The following ATRNL1 variants were observed in gnomAD, a reference collection of about 807,000 sequenced individuals.
ATRNL1 encodes the protein attractin-like protein 1.
In ATRNL1, 95 loss-of-function variants were observed where a neutral mutation model predicts 182.7. That is an observed-to-expected ratio of 0.52 (90% CI 0.44 to 0.62). The LOEUF is 0.62. ATRNL1 is among the 20% of genes least tolerant of loss of function. ATRNL1 has a pLI of 0.00. For synonymous variants in ATRNL1, 576 were observed against 568.3 expected (o/e 1.01, Z -0.19); for missense variants, 1,471 against 1,679.5 (o/e 0.88, Z 2.17).
intron 21 of ATRNL1, among the ~76,000 whole-genome samples, chr10:115,432,039 G>T (rs2134416367): frequency 6.6e-6 from 1 of 152,072 alleles, no homozygotes; most frequent in East Asian, 1.9e-4. Context: ...TATGATGTGA[G>T]CCTCATATGT....
At chr10:115,476,318 T>C (rs1554973105) in intron 24 of ATRNL1, among the ~76,000 whole-genome samples, 2 of 151,370 alleles carry the variant, frequency 1.3e-5, no homozygotes. Flanking sequence ...GGCTTGTTTT[T>C]GGCATATTTT....
At chr10:115,767,144 C>T (rs2134158527) in intron 27 of ATRNL1, among the ~76,000 whole-genome samples, 1 of 152,284 alleles carries the variant, frequency 6.6e-6, no homozygotes, top group South Asian at 2.1e-4. Flanking sequence ...GCGATCACCT[C>T]AAACTGTTCT....
chr10:115,261,456 G>T (rs1387770335), intron 10 of ATRNL1, among the ~76,000 whole-genome samples: 1 of 152,110 alleles, frequency 6.6e-6, no homozygotes, highest in Admixed American at 6.5e-5. Context: ...CTAGAGAGCA[G>T]TAAGTTCAGA....
In ATRNL1 at chr10:115,628,206, C is replaced by T. The variant is rs369646017; in HGVS notation, c.3795+78670C>T. Among the ~76,000 whole-genome samples the T allele has an allele frequency of 6.6e-5, 10 of 151,842 alleles. No homozygotes were observed. The East Asian group carries it at 1.7e-3, about 26-fold the overall frequency. ...AACCATTTTATAGTATTTCCACCAG[C>T]GATGTATGCGAGTTTCAGTTTCTTC... is the stretch of plus-strand genomic sequence containing the variant. On this transcript the variant is annotated intron_variant, in intron 26 of 28. Coordinates refer to ENST00000355044, the MANE Select transcript of ATRNL1 (RefSeq NM_207303.4).
chr10:115,824,586 A>G (rs1351395268), intron 27 of ATRNL1, among the ~76,000 whole-genome samples: 3 of 152,128 alleles, frequency 2.0e-5, no homozygotes, highest in Non-Finnish European at 4.4e-5. Context: ...AGAAAAAAAA[A>G]CCCCATCAAA....
Position 115,241,596 on chromosome 10 carries a change from G to A in ATRNL1, c.1558G>A (p.Ala520Thr), listed in dbSNP as rs548599198. 4 of 1,607,358 alleles carry A rather than the reference G, an allele frequency of 2.5e-6. No individual in the cohort carries two copies. The South Asian group carries it at 4.4e-5, about 18-fold the overall frequency. ...GACTATTTTGAAAGAAAGTGGGTTT[G>A]CCAGATACCTTCATTCAGCTGTTCT... Reference protein sequence around the residue: ...TWTILKESGFARYLHSAVLIN... With the variant: ...TWTILKESGFTRYLHSAVLIN... Residue 520 changes from alanine (A) to threonine (T), a missense_variant, in exon 10 of 29, where the codon GCC (alanine) becomes ACC (threonine). Coordinates refer to ENST00000355044, the MANE Select transcript of ATRNL1 (RefSeq NM_207303.4).
At chr10:115,820,205 A>G (rs1555089812) in intron 27 of ATRNL1, 1 of 152,170 alleles carries the variant, frequency 6.6e-6, no homozygotes, top group African/African-American at 2.4e-5. Flanking sequence ...TTATTGGAAC[A>G]TGATATTCAT....
intron 5 of ATRNL1, among the ~76,000 whole-genome samples, chr10:115,144,539 C>A (rs782105753): frequency 1.2e-4 from 18 of 152,098 alleles, no homozygotes; most frequent in Non-Finnish European, 2.4e-4. Flanking sequence ...GTGGTCTGCC[C>A]GCCTTAGCCG....
intron 8 of ATRNL1, among the ~76,000 whole-genome samples, chr10:115,211,556 T>C (rs537777669): frequency 6.6e-6 from 1 of 152,114 alleles, no homozygotes; most frequent in Non-Finnish European, 1.5e-5. Flanking sequence ...TTTACTTAGT[T>C]TCTTGAATCT....
Position 115,487,310 on chromosome 10 carries a change from G to A in ATRNL1, c.3654+17981G>A, listed in dbSNP as rs183630760. The stretch of plus-strand genomic sequence containing the variant: ...ATGGTAGATTGATGGGGATAGCATT[G>A]ACTCTATAAATTACTTTGAGCAGTA... On this transcript the variant is annotated intron_variant, in intron 24 of 28. Transcript: ENST00000355044. Among the ~76,000 whole-genome samples the A allele has an allele frequency of 1.6e-3, 247 of 152,132 alleles. 1 individual carries two copies. Among genetic ancestry groups the A allele is most frequent in the South Asian group, 7.9e-3 (38 of 4,816 alleles).
intron 8 of ATRNL1, chr10:115,171,496 G>A: frequency 2.4e-6 from 1 of 415,400 alleles, no homozygotes; most frequent in South Asian, 7.7e-5. Flanking sequence ...ACCAAATGAG[G>A]GGAAATATTA....
chr10:115,313,335 T>G (rs115141237), intron 17 of ATRNL1, among the ~76,000 whole-genome samples: 1,955 of 152,190 alleles, frequency 0.013, 38 homozygotes, highest in African/African-American at 0.044. Flanking sequence ...GAATGTGACT[T>G]TAATGTTTGT....
At chr10:115,500,420 A>G (rs1449110459) in intron 24 of ATRNL1, among the ~76,000 whole-genome samples, 3 of 152,046 alleles carry the variant, frequency 2.0e-5, no homozygotes, top group Non-Finnish European at 2.9e-5. Flanking sequence ...AGAATCTAAC[A>G]TCAGGTGTCC....
rs939015259 is a variant in ATRNL1, at chr10:115,944,948, T to G, written c.*169T>G. 67 of 712,230 alleles carry G rather than the reference T, an allele frequency of 9.4e-5. 1 individual carries two copies. Among genetic ancestry groups the G allele is most frequent in the Non-Finnish European group, 1.2e-4 (59 of 491,332 alleles). 44.1% of individuals were successfully genotyped at this position (712,230 alleles called of 1,614,324 possible). A position where few individuals can be genotyped will look rare whatever the true frequency, so the allele number is the denominator to read the frequency against. ...CAGGTGGCCAAAGAATGTTCATGAG[T>G]TTTATAAAAGTATTGATGGTCACAG... On this transcript the variant is annotated 3_prime_UTR_variant, in exon 29 of 29. Coordinates refer to ENST00000355044, the MANE Select transcript of ATRNL1 (RefSeq NM_207303.4).
chr10:115,767,373 T>C (rs782584209), intron 27 of ATRNL1, among the ~76,000 whole-genome samples: 1 of 152,132 alleles, frequency 6.6e-6, no homozygotes, highest in South Asian at 2.1e-4. Context: ...TTTTCTAGTC[T>C]TGAGGGTGGG....
intron 5 of ATRNL1, among the ~76,000 whole-genome samples, chr10:115,154,439 G>C (rs1376256551): frequency 1.3e-5 from 2 of 152,050 alleles, no homozygotes; most frequent in East Asian, 1.9e-4. Flanking sequence ...TCTTCTTGTT[G>C]AATTGATCCC....
chr10:115,831,681 T>C (rs543415214), intron 27 of ATRNL1, among the ~76,000 whole-genome samples: 2 of 152,144 alleles, frequency 1.3e-5, no homozygotes, highest in Admixed American at 1.3e-4. Flanking sequence ...CTCTTAACTC[T>C]CAGAACCTTA....
At chr10:115,616,982 G>A (rs1247189466) in intron 26 of ATRNL1, among the ~76,000 whole-genome samples, 3 of 152,236 alleles carry the variant, frequency 2.0e-5, no homozygotes, top group Admixed American at 2.0e-4. Flanking sequence ...GTGGAGCTGT[G>A]AGAAGAGGAC....
chr10:115,589,062 A>G (rs1855749515), intron 26 of ATRNL1, among the ~76,000 whole-genome samples: 1 of 152,220 alleles, frequency 6.6e-6, no homozygotes, highest in Non-Finnish European at 1.5e-5. Flanking sequence ...CAAATAGATA[A>G]GACATAGAGA....
Sources: allele counts gnomAD v4.1 joint callset (sites outside exome capture counted in the v4.1 genomes callset), GRCh38; gene constraint gnomAD v4.1.1; transcripts MANE v1.5; gene names NCBI Gene and HGNC (gene_info 2026-07-23, HGNC 2026-07-21).